The following ZP2 variants were observed in gnomAD, a reference collection of about 807,000 sequenced individuals.
ZP2 encodes zona pellucida glycoprotein 2, also known as zona pellucida sperm-binding protein 2.
Under a neutral mutation model 84.0 loss-of-function variants are expected in ZP2, and 51 were observed. The observed-to-expected ratio is 0.61, with a 90% CI of 0.49 to 0.77. The LOEUF (loss-of-function observed/expected upper bound fraction) is 0.77, where lower values mean the gene tolerates loss of function less well. ZP2 is among the 30% of genes least tolerant of loss of function. The pLI is 0.00. For synonymous variants in ZP2, 375 were observed against 330.9 expected, an observed-to-expected ratio of 1.13 and a Z score of -1.45; for missense variants, 909 against 911.9, an observed-to-expected ratio of 1.00 and a Z score of 0.04.
chr16:21,207,821 A>G (rs776333829), intron 4 of ZP2, among the ~76,000 whole-genome samples: 3 of 152,094 alleles, frequency 2.0e-5, no homozygotes, highest in Non-Finnish European at 4.4e-5. Context: ...ATGCCACTGC[A>G]TGCCAGCCTG....
At chr16:21,211,786 C>T, upstream of ZP2, 3 of 1,435,954 alleles carry the variant, frequency 2.1e-6, no homozygotes, top group Non-Finnish European at 2.7e-6. Flanking sequence ...CTGAAATCAG[C>T]TCCAGGTGAG....
rs746061396 is a variant in ZP2 at position 21,203,205 on chromosome 16, T to C, written c.1019A>G (p.Lys340Arg). The stretch of plus-strand genomic sequence containing the variant: ...CTCTGGCCGAAGGAGAAAGGTCAGC[T>C]TGAGTGAAGCTAAGTAGAACTGATG... Reference protein sequence around the residue: ...LLHQFYLASLKLTFLLRPETV... With the variant: ...LLHQFYLASLRLTFLLRPETV... Residue 340 changes from lysine (K) to arginine (R), a missense_variant, in exon 10 of 19, where the codon AAG becomes AGG. By Grantham distance (26) the Lys-to-Arg change is conservative (BLOSUM62 2). Coordinates refer to ENST00000574091, the MANE Select transcript of ZP2 (RefSeq NM_001376232.1). 1 of 1,613,942 alleles carries C rather than the reference T, an allele frequency of 6.2e-7. No homozygotes were observed. Among genetic ancestry groups the C allele is most frequent in the Non-Finnish European group, 8.5e-7 (1 of 1,179,900 alleles).
At chr16:21,199,422 G>A (rs1260301435) in intron 16 of ZP2, 148 bp downstream of exon 16, 1 of 605,106 alleles carries the variant, frequency 1.7e-6, no homozygotes, top group Non-Finnish European at 2.8e-6. Context: ...CATGAGTAAG[G>A]TAGACTGGAC....
intron 13 of ZP2, 68 bp from the exon 14 acceptor site, chr16:21,201,626 T>C: frequency 3.1e-6 from 5 of 1,608,976 alleles, no homozygotes; most frequent in Non-Finnish European, 4.2e-6. Flanking sequence ...ACTGCTCCAT[T>C]AGTCTGGCAG....
chr16:21,203,844 A>C, intron 9 of ZP2, 186 bp downstream of exon 9: 1 of 643,786 alleles, frequency 1.6e-6, no homozygotes, highest in Non-Finnish European at 2.7e-6. Flanking sequence ...TTTGTGTTAG[A>C]GAATGAACTT....
Position 21,201,521 on chromosome 16 carries a change from G to A in ZP2, c.1542C>T (p.Tyr514=), listed in dbSNP as rs943483621. 6.2e-7 allele frequency: 1 copy of A among 1,612,166 alleles called. No homozygotes were observed. Among genetic ancestry groups the A allele is most frequent in the South Asian group, 1.1e-5 (1 of 90,546 alleles). ...GTTGGCGGAGGAATCTCACTAGAGG[G>A]TACTCGTTTTCCCCATAAGGTTGTT... ...SYQQPYGENE[Y]PLVRFLRQPI... The change falls in exon 14 of 19, where the codon TAC becomes TAT. Residue 514 remains tyrosine (Y), a synonymous_variant. Transcript: ENST00000574091.
chr16:21,212,134 G>A (rs2152857061), upstream of ZP2, among the ~76,000 whole-genome samples: 1 of 151,880 alleles, frequency 6.6e-6, no homozygotes, highest in East Asian at 1.9e-4. Context: ...CACCGTGTTG[G>A]TCAGGGTGGT....
chr16:21,214,136 C>A (rs2093283897), upstream of ZP2: 6 of 703,460 alleles, frequency 8.5e-6, no homozygotes, highest in Non-Finnish European at 1.0e-5. Flanking sequence ...AGGGGCAGCA[C>A]AGAGACCCCA....
At position 21,204,067 on chromosome 16, in the gene ZP2, A is replaced by G. The variant is rs1325028074; in HGVS notation, c.935T>C (p.Met312Thr). 2 of 1,614,100 alleles carry G rather than the reference A, an allele frequency of 1.2e-6. No homozygotes were observed. Among genetic ancestry groups the G allele is most frequent in the Non-Finnish European group, 1.7e-6 (2 of 1,180,028 alleles). Residue 312 changes from methionine (M) to threonine (T), a missense_variant, in exon 9 of 19, where the codon ATG becomes ACG. Physicochemically the swap from Met to Thr is moderately conservative, Grantham distance 81 (BLOSUM62 -1). Transcript: ENST00000574091. The stretch of plus-strand genomic sequence containing the variant: ...CAGAGTTTTGCTGAAATGCAATTTC[A>G]TGCCATTTGTTGCTTCTAGATCAAT... ...NGIDLEATNG[M>T]KLHFSKTLLK...
rs557904548 is a variant in ZP2 at position 21,201,600 on chromosome 16, A to T, written c.1505-42T>A. 3.2e-5 allele frequency: 51 copies of T among 1,602,520 alleles called. No individual in the cohort carries two copies. In the South Asian group the frequency reaches 5.3e-4, roughly 17 times the overall value. On this transcript the variant is annotated intron_variant, in intron 13 of 18. Coordinates refer to ENST00000574091, the MANE Select transcript of ZP2 (RefSeq NM_001376232.1). ...TTCAAGTAGTTAATGGCTGCAACAC[A>T]GATTCATAGGTCATCACTGCTCCAT... is the stretch of plus-strand genomic sequence containing the variant.
In ZP2 at chr16:21,205,683, A is replaced by G. The variant is rs145280383; in HGVS notation, c.528+48T>C. ...GGTTAAAGGTAATATCACCTTTAAC[A>G]TAGAATTAAAGGTTATTAAGGTCTG... On this transcript the variant is annotated intron_variant, in intron 6 of 18. Coordinates refer to ENST00000574091, the MANE Select transcript of ZP2 (RefSeq NM_001376232.1). 49 of 1,611,418 alleles carry G rather than the reference A, an allele frequency of 3.0e-5. 1 individual carries two copies. The East Asian group carries it at 7.4e-4, about 24-fold the overall frequency.
rs778029085 is a variant in ZP2 at position 21,197,855 on chromosome 16, A to G, written c.2012-6T>C. On this transcript the variant is annotated splice_polypyrimidine_tract_variant and splice_region_variant and intron_variant, in intron 17 of 18. Transcript: ENST00000574091. Reference sequence around the variant, plus strand: ...TAGATCAGATGAGCCGACACCTGGGAAGAACCTGAGAGTTTAGTACAACAT... The same window carrying G: ...TAGATCAGATGAGCCGACACCTGGGGAGAACCTGAGAGTTTAGTACAACAT... 1.9e-6 allele frequency: 3 copies of G among 1,614,072 alleles called. No individual in the cohort carries two copies. In the Admixed American group the frequency reaches 5.0e-5, roughly 27 times the overall value.
At position 21,201,533 on chromosome 16, in the gene ZP2, C is replaced by G. The variant is rs770238910; in HGVS notation, c.1530G>C (p.Gly510=). 2.4e-5 allele frequency: 39 copies of G among 1,609,444 alleles called. No individual in the cohort carries two copies. In the South Asian group the frequency reaches 4.0e-4, roughly 16 times the overall value. The change falls in exon 14 of 19, where the codon GGG becomes GGC. Residue 510 remains glycine, a synonymous_variant. Transcript: ENST00000574091. ...YPDNSYQQPY[G]ENEYPLVRFL... ...ATCTCACTAGAGGGTACTCGTTTTC[C>G]CCATAAGGTTGTTGGTAGGAATTAT...
intron 5 of ZP2, among the ~76,000 whole-genome samples, chr16:21,206,516 T>C (rs1182745788): frequency 6.6e-6 from 1 of 152,126 alleles, no homozygotes; most frequent in Non-Finnish European, 1.5e-5. Flanking sequence ...GGGTAGGGCC[T>C]GGAACATGGC....
intron 4 of ZP2, among the ~76,000 whole-genome samples, chr16:21,208,704 T>C (rs780712534): frequency 2.6e-5 from 4 of 152,254 alleles, no homozygotes; most frequent in Non-Finnish European, 5.9e-5. Flanking sequence ...CACCTGTTTC[T>C]ATAGGTCAGA....
intron 17 of ZP2, 74 bp from the exon 18 acceptor site, chr16:21,197,923 A>T: frequency 7.0e-7 from 1 of 1,425,054 alleles, no homozygotes; most frequent in South Asian, 1.1e-5. Flanking sequence ...TGAGGGTGTG[A>T]TCCCACAGGT....
chr16:21,212,305 A>C (rs539554516), upstream of ZP2, among the ~76,000 whole-genome samples: 1 of 152,340 alleles, frequency 6.6e-6, no homozygotes, highest in South Asian at 2.1e-4. Flanking sequence ...GTCTTTAAAA[A>C]AATGAATGAA....
upstream of ZP2, among the ~76,000 whole-genome samples, chr16:21,212,076 C>G (rs28472578): frequency 6.6e-6 from 1 of 151,862 alleles, no homozygotes; most frequent in Non-Finnish European, 1.5e-5. Context: ...TACAGGTGCA[C>G]GCCACCACAC....
Position 21,211,304 on chromosome 16 carries a change from T to C in ZP2, c.151+3A>G, listed in dbSNP as rs372444146. On this transcript the variant is annotated splice_donor_region_variant and intron_variant, in intron 2 of 18. Transcript: ENST00000574091. ...GAAGACTTCTGTCACCCAAGAGACA[T>C]ACCTGGAAAGGCAGGATTTACCAAC... 2.1e-5 allele frequency: 34 copies of C among 1,613,790 alleles called. No homozygotes were observed. Among genetic ancestry groups the C allele is most frequent in the Non-Finnish European group, 2.9e-5 (34 of 1,179,738 alleles).
Sources: gnomAD v4.1 joint callset for allele counts (sites outside exome capture counted in the v4.1 genomes callset) on GRCh38, gnomAD v4.1.1 for gene constraint, MANE v1.5 for transcripts, NCBI Gene and HGNC (gene_info 2026-07-23, HGNC 2026-07-21) for gene names.